The following FAR2 variants were observed in gnomAD, a reference collection of about 807,000 sequenced individuals.
FAR2 encodes epididymis secretory protein Li 81.
In FAR2, 19 loss-of-function variants were observed where a neutral mutation model predicts 56.0. The ratio of observed to expected loss-of-function variants is 0.34; its 90% CI spans 0.24 to 0.50. FAR2 has a LOEUF of 0.50. FAR2 is among the 20% of genes least tolerant of loss of function. FAR2 has a pLI of 0.98. For synonymous variants in FAR2, 219 were observed against 218.8 expected (o/e 1.00, Z -0.01); for missense variants, 508 against 642.2 (o/e 0.79, Z 2.26).
chr12:29,189,138 A>G (rs967951408), intron 1 of FAR2, among the ~76,000 whole-genome samples: 4 of 152,092 alleles, frequency 2.6e-5, no homozygotes, highest in African/African-American at 9.7e-5. Flanking sequence ...ACTCAGCCGC[A>G]TCTCCCGGAA....
At chr12:29,298,736 A>G (rs1428578862) in intron 4 of FAR2, among the ~76,000 whole-genome samples, 1 of 152,132 alleles carries the variant, frequency 6.6e-6, no homozygotes, top group Non-Finnish European at 1.5e-5. Flanking sequence ...TCTGTCAGTT[A>G]CCCTCTTATG....
At chr12:29,243,165 G>A (rs999806145) in intron 1 of FAR2, among the ~76,000 whole-genome samples, 3 of 152,192 alleles carry the variant, frequency 2.0e-5, no homozygotes, top group Admixed American at 6.5e-5. Flanking sequence ...TGATTGGTTA[G>A]GGGATGTATT....
At chr12:29,211,915 G>GACAC (rs145889155) in intron 1 of FAR2, among the ~76,000 whole-genome samples, 1 of 147,794 alleles carries the variant, frequency 6.8e-6, no homozygotes, top group African/African-American at 2.5e-5. Flanking sequence ...TGGACACAGA[G>GACAC]ACACACACAC....
intron 10 of FAR2, among the ~76,000 whole-genome samples, 186 bp from the exon 11 acceptor site, chr12:29,332,414 T>A (rs188091830): frequency 5.7e-4 from 87 of 152,302 alleles, no homozygotes; most frequent in Admixed American, 1.8e-3. Context: ...AATATTCCTA[T>A]GTAAATAGTA....
chr12:29,229,911 G>C (rs1202137520), intron 1 of FAR2, among the ~76,000 whole-genome samples: 1 of 152,082 alleles, frequency 6.6e-6, no homozygotes, highest in Non-Finnish European at 1.5e-5. Context: ...ACACAGAAGA[G>C]CTGGAGAACA....
At chr12:29,188,244 T>C (rs910284596) in intron 1 of FAR2, among the ~76,000 whole-genome samples, 1 of 152,192 alleles carries the variant, frequency 6.6e-6, no homozygotes, top group African/African-American at 2.4e-5. Context: ...TCCACTGTTG[T>C]TTTCTTTTAG....
intron 5 of FAR2, among the ~76,000 whole-genome samples, chr12:29,308,711 C>CATAT (rs1428729903): frequency 5.5e-5 from 6 of 109,796 alleles, no homozygotes; most frequent in African/African-American, 1.5e-4. Context: ...CACACACACA[C>CATAT]ACACACACAT....
chr12:29,154,695 G>A (rs1269414810), intron 1 of FAR2, among the ~76,000 whole-genome samples: 1 of 152,116 alleles, frequency 6.6e-6, no homozygotes, highest in Admixed American at 6.5e-5. Flanking sequence ...AAAGTGCTGG[G>A]ATTACAGGCG....
intron 1 of FAR2, among the ~76,000 whole-genome samples, chr12:29,222,053 T>A (rs1248784525): frequency 6.6e-6 from 1 of 152,134 alleles, no homozygotes; most frequent in Non-Finnish European, 1.5e-5. Context: ...TTCACCATGT[T>A]GGGCAGGCTG....
intron 9 of FAR2, among the ~76,000 whole-genome samples, chr12:29,317,543 T>C (rs571293662): frequency 2.6e-5 from 4 of 152,142 alleles, no homozygotes; most frequent in African/African-American, 9.7e-5. Flanking sequence ...ACAAAAGACA[T>C]TAAAAATGTT....
At chr12:29,163,078 A>C (rs1452178747) in intron 1 of FAR2, among the ~76,000 whole-genome samples, 1 of 152,214 alleles carries the variant, frequency 6.6e-6, no homozygotes, top group Non-Finnish European at 1.5e-5. Context: ...CATTCAACTC[A>C]GCCCAGAGTG....
intron 1 of FAR2, among the ~76,000 whole-genome samples, chr12:29,190,747 G>C (rs969623879): frequency 2.0e-5 from 3 of 151,062 alleles, no homozygotes; most frequent in Non-Finnish European, 4.4e-5. Context: ...ACAGGCATGA[G>C]CCACCGCGCC....
intron 2 of FAR2, among the ~76,000 whole-genome samples, chr12:29,283,376 T>C (rs1390302172): frequency 6.6e-6 from 1 of 152,154 alleles, no homozygotes; most frequent in African/African-American, 2.4e-5. Flanking sequence ...AAATTACCCT[T>C]TATAATAGTG....
intron 1 of FAR2, among the ~76,000 whole-genome samples, chr12:29,258,765 C>T (rs7316004): frequency 0.42 from 64,556 of 152,034 alleles, 14,571 homozygotes; most frequent in African/African-American, 0.59. Flanking sequence ...CCTATGCTGG[C>T]TCAATCGTCA....
At chr12:29,295,364 G>A (rs185918819) in intron 3 of FAR2, among the ~76,000 whole-genome samples, 7 of 152,198 alleles carry the variant, frequency 4.6e-5, no homozygotes, top group South Asian at 2.1e-4. Flanking sequence ...GTGAGCCACC[G>A]TGCCCAGCCA....
At chr12:29,236,453 C>T (rs1036438876) in intron 1 of FAR2, among the ~76,000 whole-genome samples, 3 of 152,066 alleles carry the variant, frequency 2.0e-5, no homozygotes, top group Admixed American at 6.6e-5. Context: ...AAAGGAAAGA[C>T]GTTTGATTGA....
At chr12:29,259,021 TAG>T (rs1276111547) in intron 1 of FAR2, among the ~76,000 whole-genome samples, 2 of 152,186 alleles carry the variant, frequency 1.3e-5, no homozygotes, top group African/African-American at 4.8e-5. Context: ...TATCATAAAG[TAG>T]AGATTGGTAG....
intron 1 of FAR2, among the ~76,000 whole-genome samples, chr12:29,152,644 ACTTTAGGATACAAAGTAACAGTT>A (rs1428279418): frequency 6.6e-6 from 1 of 152,250 alleles, no homozygotes; most frequent in East Asian, 1.9e-4. Flanking sequence ...CATGCAGTGT[ACTTTAGGATACAAAGTAACAGTT>A]CCTGTATTCA....
chr12:29,215,166 G>A (rs1388966104), intron 1 of FAR2, among the ~76,000 whole-genome samples: 1 of 152,144 alleles, frequency 6.6e-6, no homozygotes, highest in Non-Finnish European at 1.5e-5. Flanking sequence ...GCTCATGTAG[G>A]ATCTTGATGT....
Sources: allele counts gnomAD v4.1 joint callset (sites outside exome capture counted in the v4.1 genomes callset), GRCh38; gene constraint gnomAD v4.1.1; transcripts MANE v1.5; gene names NCBI Gene and HGNC (gene_info 2026-07-23, HGNC 2026-07-21).